Variants in DCP2 observed in about 807,000 individuals in gnomAD.
The protein encoded by DCP2 is m7GpppN-mRNA hydrolase.
A neutral mutation model predicts 56.1 loss-of-function variants in DCP2; 30 were observed. The ratio of observed to expected loss-of-function variants is 0.53; its 90% CI spans 0.40 to 0.73. DCP2 has a LOEUF of 0.73. Among genes scored for constraint, DCP2 ranks in the 30% least tolerant of loss-of-function variants. The pLI, the probability that DCP2 is intolerant of heterozygous loss-of-function variation, is 0.00. For synonymous variants in DCP2, 197 were observed against 163.3 expected (o/e 1.21, Z -1.57); for missense variants, 533 against 502.7 (o/e 1.06, Z -0.58).
At chr5:113,004,560 G>T (rs533754998) in intron 8 of DCP2, among the ~76,000 whole-genome samples, 1 of 152,048 alleles carries the variant, frequency 6.6e-6, no homozygotes, top group Non-Finnish European at 1.5e-5. Flanking sequence ...TCCAGTTTGG[G>T]GCTTTAACAA....
chr5:112,994,630 T>G (rs1748765106), intron 4 of DCP2, among the ~76,000 whole-genome samples: 1 of 152,190 alleles, frequency 6.6e-6, no homozygotes, highest in Non-Finnish European at 1.5e-5. Context: ...TTCTTACCAT[T>G]TATCACACAA....
At chr5:112,985,492 A>G (rs1328390832) in intron 1 of DCP2, among the ~76,000 whole-genome samples, 2 of 152,226 alleles carry the variant, frequency 1.3e-5, no homozygotes, top group Non-Finnish European at 2.9e-5. Flanking sequence ...TTGTATGAAT[A>G]TATTTACCTG....
Position 113,014,413 on chromosome 5 carries a change from A to T in DCP2, c.*929A>T, listed in dbSNP as rs551500942. ...GAAACTGATGTTACATTAGGTTCCAATTCGCAATAGTAGCAGAGACTGACA... is the reference window on the plus strand; with the variant it reads ...GAAACTGATGTTACATTAGGTTCCATTTCGCAATAGTAGCAGAGACTGACA... On this transcript the variant is annotated 3_prime_UTR_variant, in exon 11 of 11. Transcript: ENST00000389063. 1.3e-5 allele frequency: 2 copies of T among 152,400 alleles called. No homozygotes were observed. The highest frequency in any genetic ancestry group is 4.1e-4 in the South Asian group (2 of 4,824). 9.4% of individuals were successfully genotyped at this position (152,400 alleles called of 1,614,324 possible).
chr5:112,999,436 C>G (rs963337641), intron 4 of DCP2, among the ~76,000 whole-genome samples: 2 of 151,676 alleles, frequency 1.3e-5, no homozygotes, highest in African/African-American at 2.4e-5. Flanking sequence ...TCAAGTGATT[C>G]TCCTGTCTCA....
intron 1 of DCP2, among the ~76,000 whole-genome samples, chr5:112,982,695 A>G (rs944802907): frequency 6.6e-6 from 1 of 152,166 alleles, no homozygotes; most frequent in African/African-American, 2.4e-5. Flanking sequence ...CTGTACATTT[A>G]AAGAAAAATA....
At chr5:112,985,787 C>A in intron 1 of DCP2, 48 bp from the exon 2 acceptor site, 3 of 1,576,410 alleles carry the variant, frequency 1.9e-6, no homozygotes, top group East Asian at 2.3e-5. Context: ...TAAGATAAAT[C>A]GTTATAGTTT....
intron 2 of DCP2, among the ~76,000 whole-genome samples, chr5:112,986,510 T>TA (rs898208728): frequency 2.6e-5 from 4 of 152,024 alleles, no homozygotes; most frequent in Admixed American, 2.0e-4. Flanking sequence ...ATTTTTTTTT[T>TA]ATGTTTTCTA....
Position 113,013,619 on chromosome 5 carries a change from T to C in DCP2, c.*135T>C. 1.9e-6 allele frequency: 2 copies of C among 1,060,796 alleles called. No homozygotes were observed. Among genetic ancestry groups the C allele is most frequent in the South Asian group, 3.2e-5 (2 of 62,336 alleles). 65.7% of individuals were successfully genotyped at this position (1,060,796 alleles called of 1,614,324 possible). Reference sequence around the variant, plus strand: ...AATGTTTCTGAAGACATTTTCTGTTTATAAGAGAGTAGAAAGAAACACGAG... The same window carrying C: ...AATGTTTCTGAAGACATTTTCTGTTCATAAGAGAGTAGAAAGAAACACGAG... On this transcript the variant is annotated 3_prime_UTR_variant, in exon 11 of 11. Transcript: ENST00000389063.
At chr5:112,989,777 G>A (rs1480591412) in intron 2 of DCP2, among the ~76,000 whole-genome samples, 1 of 152,166 alleles carries the variant, frequency 6.6e-6, no homozygotes. Flanking sequence ...CTGTGAAATA[G>A]TGTGAACAGT....
chr5:113,010,646 G>C, intron 9 of DCP2, 110 bp from the exon 10 acceptor site: 1 of 1,229,408 alleles, frequency 8.1e-7, no homozygotes, highest in Non-Finnish European at 1.1e-6. Context: ...TCCTGGTTCA[G>C]TTTTTCTTCC....
At chr5:112,987,620 C>CTTTTTTTTTTTTTTTTTTTTTT (rs562254738) in intron 2 of DCP2, among the ~76,000 whole-genome samples, 11 of 69,732 alleles carry the variant, frequency 1.6e-4, no homozygotes, top group Non-Finnish European at 2.0e-4. Flanking sequence ...ACCTAGGTGC[C>CTTTTTTTTTTTTTTTTTTTTTT]TTTTTTTTTT....
rs187263544 is a variant in DCP2 at position 113,013,718 on chromosome 5, T to A, written c.*234T>A. ...AGTGTTCAGTACAAGTTTAAGTTGC[T>A]TTCTTTGAGGGCATTTATTCTGTGT... On this transcript the variant is annotated 3_prime_UTR_variant, in exon 11 of 11. Transcript: ENST00000389063. 2.4e-6 allele frequency: 1 copy of A among 425,092 alleles called. No individual in the cohort carries two copies. The highest frequency in any genetic ancestry group is 3.8e-5 in the East Asian group (1 of 26,132). 26.3% of individuals were successfully genotyped at this position (425,092 alleles called of 1,614,324 possible). A position where few individuals can be genotyped will look rare whatever the true frequency, so the allele number is the denominator to read the frequency against.
At chr5:113,012,832 T>TG (rs975439811) in intron 10 of DCP2, among the ~76,000 whole-genome samples, 43 of 152,082 alleles carry the variant, frequency 2.8e-4, no homozygotes, top group African/African-American at 9.9e-4. Context: ...TTAGTAGAGA[T>TG]GGGGTTTCAC....
intron 2 of DCP2, among the ~76,000 whole-genome samples, chr5:112,987,620 CTTTTTTTTTTTT>C (rs562254738): frequency 1.3e-4 from 9 of 69,736 alleles, no homozygotes; most frequent in Non-Finnish European, 1.8e-4. Flanking sequence ...ACCTAGGTGC[CTTTTTTTTTTTT>C]TTTTTTTTTT....
At chr5:113,005,490 CAAAA>C (rs768063178) in intron 8 of DCP2, among the ~76,000 whole-genome samples, 7 of 151,864 alleles carry the variant, frequency 4.6e-5, no homozygotes, top group South Asian at 2.1e-4. Context: ...TAATAAAAAA[CAAAA>C]AAACAGAAAA....
intron 9 of DCP2, among the ~76,000 whole-genome samples, chr5:113,009,749 A>G (rs1749595463): frequency 6.6e-6 from 1 of 151,376 alleles, no homozygotes; most frequent in African/African-American, 2.4e-5. Flanking sequence ...ATTTCTTCAC[A>G]TTATATTCTA....
At chr5:112,995,823 A>G (rs144737889) in intron 4 of DCP2, among the ~76,000 whole-genome samples, 78 of 152,382 alleles carry the variant, frequency 5.1e-4, no homozygotes, top group African/African-American at 1.7e-3. Context: ...GAGGGCTACC[A>G]TAACAAAATA....
intron 1 of DCP2, among the ~76,000 whole-genome samples, chr5:112,977,593 T>A (rs1747778854): frequency 6.6e-6 from 1 of 152,220 alleles, no homozygotes; most frequent in South Asian, 2.1e-4. Flanking sequence ...AGTGTAGCGC[T>A]GCTTTTCTTT....
At chr5:112,977,067 C>G in intron 1 of DCP2, 81 bp downstream of exon 1, 4 of 1,106,418 alleles carry the variant, frequency 3.6e-6, no homozygotes, top group Non-Finnish European at 5.0e-6. Flanking sequence ...GGGTCTTCTT[C>G]CCCGCCCACG....
Sources: gnomAD v4.1 joint callset for allele counts (sites outside exome capture counted in the v4.1 genomes callset) on GRCh38, gnomAD v4.1.1 for gene constraint, MANE v1.5 for transcripts, NCBI Gene and HGNC (gene_info 2026-07-23, HGNC 2026-07-21) for gene names.